Variants in FRY observed in about 807,000 individuals in gnomAD.
FRY encodes FRY microtubule binding protein.
FRY carries 128 observed loss-of-function variants against 348.4 expected under a neutral mutation model. The observed-to-expected ratio is 0.37, with a 90% CI of 0.32 to 0.43. The LOEUF is 0.43. Ranked by LOEUF, FRY falls within the 20% of genes least tolerant of loss-of-function variation. The pLI, the probability that FRY is intolerant of heterozygous loss-of-function variation, is 1.00. For missense variants in FRY, 2,736 were observed against 3,695.2 expected, an observed-to-expected ratio of 0.74 and a Z score of 6.73; for synonymous variants, 1,370 against 1,374.7, an observed-to-expected ratio of 1.00 and a Z score of 0.08.
chr13:32,173,507 C>T lies in FRY; in HGVS notation c.2292C>T (p.Leu764=). 6.2e-7 allele frequency: 1 copy of T among 1,613,700 alleles called. No individual in the cohort carries two copies. The change falls in exon 19 of 61, where the codon CTC becomes CTT. Residue 764 remains leucine, a synonymous_variant. Coordinates refer to ENST00000542859, the MANE Select transcript of FRY (RefSeq NM_023037.3). The stretch of plus-strand genomic sequence containing the variant: ...CACGCAAACTGTCCGTTTTAATACT[C>T]AAGGAAATTCGAGCGTTGTTTATTG... ...VATRKLSVLI[L]KEIRALFIAL...
intron 17 of FRY, among the ~76,000 whole-genome samples, chr13:32,161,558 AC>A (rs1285086701): frequency 6.6e-6 from 1 of 152,204 alleles, no homozygotes; most frequent in African/African-American, 2.4e-5. Flanking sequence ...GGGGAAGGCA[AC>A]AAATAACTCC....
At chr13:32,170,301 T>C (rs1169516184) in intron 17 of FRY, among the ~76,000 whole-genome samples, 1 of 152,146 alleles carries the variant, frequency 6.6e-6, no homozygotes, top group Non-Finnish European at 1.5e-5. Context: ...CTAAATGCAG[T>C]GTGGTATCTT....
chr13:32,217,390 A>G (rs1040701206), intron 35 of FRY, among the ~76,000 whole-genome samples: 19 of 152,230 alleles, frequency 1.2e-4, no homozygotes, highest in Admixed American at 7.2e-4. Flanking sequence ...GAAATATGCT[A>G]TTGATTTCTT....
intron 51 of FRY, among the ~76,000 whole-genome samples, chr13:32,260,148 C>G (rs1323276429): frequency 1.3e-5 from 2 of 152,160 alleles, no homozygotes; most frequent in Non-Finnish European, 2.9e-5. Flanking sequence ...CAGACACGAC[C>G]CTCTGCTTTA....
chr13:32,238,922 G>GT (rs1479049279), intron 44 of FRY, among the ~76,000 whole-genome samples: 1 of 152,102 alleles, frequency 6.6e-6, no homozygotes, highest in East Asian at 1.9e-4. Flanking sequence ...CTTAAAATAT[G>GT]TTTTTTTGAT....
chr13:32,241,780 TA>T (rs1301644036), intron 46 of FRY, among the ~76,000 whole-genome samples: 4 of 152,180 alleles, frequency 2.6e-5, no homozygotes, highest in African/African-American at 7.2e-5. Context: ...TTACTACCCA[TA>T]AAAAAATTGG....
At chr13:32,083,444 C>A (rs1260536017) in intron 2 of FRY, among the ~76,000 whole-genome samples, 1 of 152,030 alleles carries the variant, frequency 6.6e-6, no homozygotes, top group Non-Finnish European at 1.5e-5. Context: ...GTTTGTTGTG[C>A]CTGCTAATTC....
intron 23 of FRY, among the ~76,000 whole-genome samples, chr13:32,182,524 CTTT>C (rs558503185): frequency 1.8e-3 from 281 of 152,310 alleles, no homozygotes; most frequent in African/African-American, 6.5e-3. Flanking sequence ...GCACCCATCT[CTTT>C]TCCACTAATT....
chr13:32,179,997 T>G (rs1265832998), intron 23 of FRY, among the ~76,000 whole-genome samples, 198 bp downstream of exon 23: 1 of 152,210 alleles, frequency 6.6e-6, no homozygotes, highest in Non-Finnish European at 1.5e-5. Context: ...TCACTTTTAG[T>G]CATTGCAACT....
At chr13:32,267,033 C>T in intron 54 of FRY, 137 bp from the exon 55 acceptor site, 1 of 794,456 alleles carries the variant, frequency 1.3e-6, no homozygotes, top group South Asian at 1.5e-5. Context: ...AAAGCCAAGT[C>T]CCCAAAGCAA....
intron 1 of FRY, among the ~76,000 whole-genome samples, chr13:32,072,827 G>T (rs1261042975): frequency 2.0e-5 from 3 of 152,170 alleles, no homozygotes; most frequent in African/African-American, 7.2e-5. Context: ...CCTGAAAAAT[G>T]AATGAAGTAT....
chr13:32,100,929 C>T (rs551007264), intron 2 of FRY, among the ~76,000 whole-genome samples: 1 of 152,286 alleles, frequency 6.6e-6, no homozygotes, highest in East Asian at 1.9e-4. Flanking sequence ...TAATCTCCTC[C>T]CAAAGGCCCC....
Position 32,155,685 on chromosome 13 carries a change from A to C in FRY, c.1651+23A>C, listed in dbSNP as rs1285786730. ...TAGGTGAGTTTCAGAAGTGCATAAG[A>C]ACTAAGCCTTATTAAGCCCTTAAAA... On this transcript the variant is annotated intron_variant, in intron 15 of 60. Transcript: ENST00000542859. 11 of 1,580,818 alleles carry C rather than the reference A, an allele frequency of 7.0e-6. No individual in the cohort carries two copies. In the South Asian group the frequency reaches 1.2e-4, roughly 18 times the overall value.
At chr13:32,106,937 A>G (rs1459128844) in intron 3 of FRY, among the ~76,000 whole-genome samples, 3 of 152,224 alleles carry the variant, frequency 2.0e-5, no homozygotes, top group Non-Finnish European at 2.9e-5. Flanking sequence ...GTTTGAACTT[A>G]AATATACATA....
rs138995506 is a variant in FRY, at chr13:32,076,844, C to A, written c.71-1990C>A. Among the ~76,000 whole-genome samples the A allele has an allele frequency of 2.4e-3, 358 of 152,212 alleles. 2 individuals carry two copies. Among genetic ancestry groups the A allele is most frequent in the African/African-American group, 8.3e-3 (343 of 41,546 alleles). ...ATATGGTTTAATTACAGGGCCGACC[C>A]TAGACAAAAACCTTGTCTCCAATCA... On this transcript the variant is annotated intron_variant, in intron 1 of 60. Transcript: ENST00000542859.
At chr13:32,115,255 C>T (rs897036019) in intron 3 of FRY, among the ~76,000 whole-genome samples, 13 of 152,146 alleles carry the variant, frequency 8.5e-5, no homozygotes, top group African/African-American at 3.1e-4. Flanking sequence ...TCATTTCCTG[C>T]TTTATAAAAG....
intron 8 of FRY, 101 bp downstream of exon 8, chr13:32,131,941 C>T (rs946776066): frequency 1.6e-5 from 14 of 890,366 alleles, no homozygotes; most frequent in South Asian, 1.1e-4. Context: ...CTTGTCAATA[C>T]GGAGAAACAT....
chr13:32,249,534 C>A lies in FRY; in HGVS notation c.7017C>A (p.Ile2339=). 6.2e-7 allele frequency: 1 copy of A among 1,614,176 alleles called. No individual in the cohort carries two copies. The highest frequency in any genetic ancestry group is 1.7e-5 in the Admixed American group (1 of 60,026). The stretch of plus-strand genomic sequence containing the variant: ...TTTGTCTTCTTCTCAAGACTCCAAT[C>A]ATCGGGAGGCGGTATGATGAGCTGC... The part of the protein sequence containing the change: ...DFHFDISETP[I]IGRRYDELQN... Residue 2339 remains isoleucine, a synonymous_variant, in exon 49 of 61, where the codon ATC becomes ATA. Transcript: ENST00000542859.
rs148272743 is a variant in FRY, at chr13:32,087,861, T to TA, written c.270+8830dup. On this transcript the variant is annotated intron_variant, in intron 2 of 60. Coordinates refer to ENST00000542859, the MANE Select transcript of FRY (RefSeq NM_023037.3). The stretch of plus-strand genomic sequence containing the variant: ...TGCTAAAGGACAGAATGACTACCTC[T>TA]AATTAAGTTTGGATCTTTATATGGC... 2.1e-3 allele frequency among the ~76,000 whole-genome samples: 327 copies of TA among 152,348 alleles called. 1 individual carries two copies. The highest frequency in any genetic ancestry group is 7.2e-3 in the African/African-American group (301 of 41,576).
Sources: gnomAD v4.1 joint callset for allele counts (sites outside exome capture counted in the v4.1 genomes callset) on GRCh38, gnomAD v4.1.1 for gene constraint, MANE v1.5 for transcripts, NCBI Gene and HGNC (gene_info 2026-07-23, HGNC 2026-07-21) for gene names.